The following CNTNAP2 variants were observed in gnomAD, a reference collection of about 807,000 sequenced individuals.
CNTNAP2 encodes contactin associated protein 2, also known as contactin-associated protein-like 2.
Under a neutral mutation model 155.2 loss-of-function variants are expected in CNTNAP2, and 98 were observed. That is an observed-to-expected ratio of 0.63 (90% CI 0.54 to 0.75). The LOEUF is 0.75. Among genes scored for constraint, CNTNAP2 ranks in the 30% least tolerant of loss-of-function variants. The pLI is 0.00. For synonymous variants in CNTNAP2, 651 were observed against 631.2 expected (o/e 1.03, Z -0.47); for missense variants, 1,727 against 1,688.1 (o/e 1.02, Z -0.40).
At chr7:146,422,927 T>C (rs1278457949) in intron 1 of CNTNAP2, among the ~76,000 whole-genome samples, 2 of 152,200 alleles carry the variant, frequency 1.3e-5, no homozygotes, top group Non-Finnish European at 2.9e-5. Flanking sequence ...GGATGAAATA[T>C]AAATCAAAGT....
At chr7:148,235,344 A>T (rs1368816468) in intron 20 of CNTNAP2, among the ~76,000 whole-genome samples, 2 of 152,224 alleles carry the variant, frequency 1.3e-5, no homozygotes, top group African/African-American at 4.8e-5. Flanking sequence ...AGAAGAAAGG[A>T]TACAAATATT....
At chr7:146,715,006 A>G (rs1212312901) in intron 1 of CNTNAP2, among the ~76,000 whole-genome samples, 3 of 152,096 alleles carry the variant, frequency 2.0e-5, no homozygotes, top group Non-Finnish European at 2.9e-5. Context: ...AGGGAAAGAG[A>G]TAAAGCAAGT....
intron 21 of CNTNAP2, among the ~76,000 whole-genome samples, chr7:148,287,340 C>T (rs61285694): frequency 0.15 from 22,175 of 152,132 alleles, 2,082 homozygotes; most frequent in African/African-American, 0.26. Flanking sequence ...TGAACAGCCA[C>T]TATAGAAAAA....
In CNTNAP2 at chr7:147,132,329, C is replaced by CT; in HGVS notation, c.1170dup (p.Asn391Ter). Reference sequence around the variant, plus strand: ...AAGTTACCTGGAGGTGCCCGGACGGCTTAACCAGGACCTGTTCTCAGTCAG... The same window carrying CT: ...AAGTTACCTGGAGGTGCCCGGACGGCTTTAACCAGGACCTGTTCTCAGTCAG... On this transcript the variant is annotated frameshift_variant, in exon 8 of 24. Coordinates refer to ENST00000361727, the MANE Select transcript of CNTNAP2 (RefSeq NM_014141.6). LOFTEE classifies it high-confidence loss of function. The CT allele has an allele frequency of 1.9e-6, 3 of 1,613,738 alleles. No homozygotes were observed. Among genetic ancestry groups the CT allele is most frequent in the Non-Finnish European group, 2.5e-6 (3 of 1,179,798 alleles).
At chr7:148,331,740 GATGGA>G (rs1563046023) in intron 21 of CNTNAP2, among the ~76,000 whole-genome samples, 6 of 150,854 alleles carry the variant, frequency 4.0e-5, no homozygotes, top group African/African-American at 5.0e-5. Flanking sequence ...GGATGGAGTG[GATGGA>G]TGGAACGGAC....
Position 148,417,368 on chromosome 7 carries a change from A to G in CNTNAP2, c.*1752A>G, listed in dbSNP as rs1008281797. On this transcript the variant is annotated 3_prime_UTR_variant, in exon 24 of 24. Transcript: ENST00000361727. ...ATTACACCAGTACAGAGCACATTCC[A>G]AAGGAGACATTGGACCAGTTAATTC... 1 of 152,648 alleles carries G rather than the reference A, an allele frequency of 6.6e-6. No individual in the cohort carries two copies. Among genetic ancestry groups the G allele is most frequent in the Non-Finnish European group, 1.5e-5 (1 of 68,044 alleles). The allele number at this position is 152,648 out of a possible 1,614,324, so 9.5% of individuals were successfully genotyped here.
intron 13 of CNTNAP2, among the ~76,000 whole-genome samples, chr7:147,692,676 C>T (rs1796104680): frequency 6.6e-6 from 1 of 151,996 alleles, no homozygotes; most frequent in Non-Finnish European, 1.5e-5. Flanking sequence ...AAGATACGGA[C>T]CATTTTTAAT....
At chr7:146,429,754 C>T (rs925550191) in intron 1 of CNTNAP2, among the ~76,000 whole-genome samples, 18 of 152,090 alleles carry the variant, frequency 1.2e-4, no homozygotes, top group Non-Finnish European at 2.6e-4. Flanking sequence ...ACAGAACTTC[C>T]AATGCTATGT....
At chr7:147,866,170 T>G (rs899444540) in intron 13 of CNTNAP2, among the ~76,000 whole-genome samples, 18 of 152,232 alleles carry the variant, frequency 1.2e-4, no homozygotes, top group Admixed American at 3.3e-4. Flanking sequence ...CTGCCTTCAT[T>G]TCGTCATGTA....
chr7:148,061,954 T>TATAG (rs10535597), intron 15 of CNTNAP2, among the ~76,000 whole-genome samples: 5,084 of 95,764 alleles, frequency 0.053, 295 homozygotes, highest in East Asian at 0.15. Flanking sequence ...GATAAACAGA[T>TATAG]ATAGATAGAT....
rs146013927 is a variant in CNTNAP2 at position 147,037,799 on chromosome 7, G to A, written c.403-6108G>A. 2.6e-4 allele frequency among the ~76,000 whole-genome samples: 40 copies of A among 152,142 alleles called. 1 individual carries two copies. Among genetic ancestry groups the A allele is most frequent in the East Asian group, 9.7e-4 (5 of 5,174 alleles). On this transcript the variant is annotated intron_variant, in intron 3 of 23. Transcript: ENST00000361727. ...AATAATAGATATATACATGTTAGAC[G>A]TTGTTTTTATTAAATCAACGGCTAC... is the stretch of plus-strand genomic sequence containing the variant.
At chr7:147,509,904 C>T (rs962976796) in intron 11 of CNTNAP2, among the ~76,000 whole-genome samples, 1 of 152,086 alleles carries the variant, frequency 6.6e-6, no homozygotes, top group Non-Finnish European at 1.5e-5. Context: ...TTCGATACCA[C>T]CAGTCAATCC....
At chr7:147,428,829 A>G in intron 10 of CNTNAP2, among the ~76,000 whole-genome samples, 1 of 152,062 alleles carries the variant, frequency 6.6e-6, no homozygotes, top group East Asian at 1.9e-4. Flanking sequence ...GTTTGGTTAC[A>G]TGGAAAAGAT....
chr7:147,049,333 A>T (rs953873757), intron 4 of CNTNAP2, among the ~76,000 whole-genome samples: 2 of 152,170 alleles, frequency 1.3e-5, no homozygotes, highest in African/African-American at 4.8e-5. Flanking sequence ...ACATTTTAAA[A>T]TATATATATG....
intron 15 of CNTNAP2, among the ~76,000 whole-genome samples, chr7:148,035,708 C>T (rs983220220): frequency 6.6e-6 from 1 of 152,096 alleles, no homozygotes; most frequent in African/African-American, 2.4e-5. Context: ...CTGGTGGAGC[C>T]GTGGGGGTAG....
chr7:146,289,349 G>A (rs771827678), intron 1 of CNTNAP2, among the ~76,000 whole-genome samples: 1 of 152,168 alleles, frequency 6.6e-6, no homozygotes, highest in African/African-American at 2.4e-5. Flanking sequence ...AATGTAGAAT[G>A]CAGAGAGTTG....
At chr7:146,698,970 A>C (rs76245424) in intron 1 of CNTNAP2, among the ~76,000 whole-genome samples, 2,821 of 151,904 alleles carry the variant, frequency 0.019, 94 homozygotes, top group African/African-American at 0.065. Flanking sequence ...ACTTCCTTTC[A>C]ATTCTTTCTT....
intron 8 of CNTNAP2, among the ~76,000 whole-genome samples, chr7:147,222,838 C>T (rs1358131492): frequency 5.5e-5 from 7 of 127,510 alleles, no homozygotes; most frequent in Non-Finnish European, 1.1e-4. Context: ...TTTTTTCTGC[C>T]TCGTTAGGTG....
rs530438598 is a variant in CNTNAP2 at position 148,238,247 on chromosome 7, G to A, written c.3381+8468G>A. Among the ~76,000 whole-genome samples the A allele has an allele frequency of 2.6e-5, 4 of 152,316 alleles. No individual in the cohort carries two copies. In the South Asian group the frequency reaches 8.3e-4, roughly 32 times the overall value. On this transcript the variant is annotated intron_variant, in intron 20 of 23. Coordinates refer to ENST00000361727, the MANE Select transcript of CNTNAP2 (RefSeq NM_014141.6). ...GCCTGTAGTCCCAGCTACTCAGGGG[G>A]CTGAGACAGGAGAATCGCTTGAACC...
Sources: allele counts gnomAD v4.1 joint callset (sites outside exome capture counted in the v4.1 genomes callset), GRCh38; gene constraint gnomAD v4.1.1; transcripts MANE v1.5; gene names NCBI Gene and HGNC (gene_info 2026-07-23, HGNC 2026-07-21).